Variants in SNTG1 observed in about 807,000 individuals in gnomAD.
SNTG1 encodes gamma-1-syntrophin.
SNTG1 carries 39 observed loss-of-function variants against 74.7 expected under a neutral mutation model. The ratio of observed to expected loss-of-function variants is 0.52; its 90% CI spans 0.40 to 0.68. The LOEUF is 0.68. Ranked by LOEUF, SNTG1 falls within the 30% of genes least tolerant of loss-of-function variation. SNTG1 has a pLI of 0.00. For synonymous variants in SNTG1, 254 were observed against 217.1 expected, an observed-to-expected ratio of 1.17 and a Z score of -1.49; for missense variants, 685 against 609.5, an observed-to-expected ratio of 1.12 and a Z score of -1.30.
At chr8:50,100,893 A>G (rs974327494) in intron 1 of SNTG1, among the ~76,000 whole-genome samples, 1 of 152,102 alleles carries the variant, frequency 6.6e-6, no homozygotes, top group African/African-American at 2.4e-5. Context: ...AGTGAGACGC[A>G]TAGTACCCAA....
intron 1 of SNTG1, among the ~76,000 whole-genome samples, chr8:50,163,297 C>T (rs1468895752): frequency 6.6e-6 from 1 of 152,134 alleles, no homozygotes; most frequent in Non-Finnish European, 1.5e-5. Flanking sequence ...TCTTCTCAAC[C>T]ATAACCTATA....
At chr8:50,660,647 C>T (rs916266305) in intron 15 of SNTG1, among the ~76,000 whole-genome samples, 1 of 152,112 alleles carries the variant, frequency 6.6e-6, no homozygotes, top group African/African-American at 2.4e-5. Flanking sequence ...CTTACTTAGA[C>T]TTAAATTATT....
At chr8:50,565,645 A>G (rs1441160724) in intron 12 of SNTG1, among the ~76,000 whole-genome samples, 1 of 151,998 alleles carries the variant, frequency 6.6e-6, no homozygotes, top group Non-Finnish European at 1.5e-5. Context: ...GTTGTTAGGG[A>G]GCAGGACTGT....
chr8:50,148,723 C>A (rs1431373953), intron 1 of SNTG1, among the ~76,000 whole-genome samples: 1 of 152,202 alleles, frequency 6.6e-6, no homozygotes, highest in African/African-American at 2.4e-5. Context: ...ATACAAAGGA[C>A]ATGAACTCAT....
chr8:50,589,750 T>C (rs2094680011), intron 12 of SNTG1, among the ~76,000 whole-genome samples: 1 of 152,194 alleles, frequency 6.6e-6, no homozygotes. Context: ...GATTTTTTAA[T>C]TGATTAATAA....
At chr8:49,917,986 G>A (rs1005999843) in intron 1 of SNTG1, among the ~76,000 whole-genome samples, 18 of 152,054 alleles carry the variant, frequency 1.2e-4, no homozygotes, top group Non-Finnish European at 2.5e-4. Context: ...TTTGCATGTA[G>A]CGAAACAGAC....
intron 15 of SNTG1, among the ~76,000 whole-genome samples, chr8:50,686,359 G>C (rs1434987481): frequency 6.6e-6 from 1 of 152,142 alleles, no homozygotes; most frequent in East Asian, 1.9e-4. Flanking sequence ...CAATGTGTTT[G>C]AGACCTATTT....
intron 1 of SNTG1, among the ~76,000 whole-genome samples, chr8:50,129,317 G>A (rs1291380480): frequency 6.6e-6 from 1 of 152,096 alleles, no homozygotes; most frequent in Non-Finnish European, 1.5e-5. Flanking sequence ...TTTGTTTCAA[G>A]GCTTCATAGC....
At chr8:49,960,780 T>A (rs572749929) in intron 1 of SNTG1, among the ~76,000 whole-genome samples, 2 of 152,288 alleles carry the variant, frequency 1.3e-5, no homozygotes, top group East Asian at 3.9e-4. Context: ...TGTGACTCTC[T>A]GAGTCTGTAT....
chr8:49,958,587 A>G (rs924749968), intron 1 of SNTG1, among the ~76,000 whole-genome samples: 1 of 151,930 alleles, frequency 6.6e-6, no homozygotes, highest in African/African-American at 2.4e-5. Flanking sequence ...CGCCTGGCTA[A>G]TTTTGGTAAT....
At chr8:50,202,778 G>T (rs993485721) in intron 2 of SNTG1, among the ~76,000 whole-genome samples, 3 of 148,774 alleles carry the variant, frequency 2.0e-5, no homozygotes, top group African/African-American at 7.6e-5. Flanking sequence ...CTTCTTTCAA[G>T]ACTTTCTCTT....
intron 13 of SNTG1, among the ~76,000 whole-genome samples, chr8:50,646,024 G>T (rs1455591384): frequency 6.6e-6 from 1 of 152,082 alleles, no homozygotes; most frequent in Non-Finnish European, 1.5e-5. Context: ...GTTAAAAAAA[G>T]AATATTTCCT....
At chr8:50,015,053 C>G (rs924341684) in intron 1 of SNTG1, among the ~76,000 whole-genome samples, 2 of 150,380 alleles carry the variant, frequency 1.3e-5, no homozygotes, top group African/African-American at 2.4e-5. Context: ...TACAGAAGCC[C>G]AGATTTTGAA....
intron 9 of SNTG1, among the ~76,000 whole-genome samples, chr8:50,511,317 A>C (rs1408234898): frequency 1.3e-5 from 2 of 152,144 alleles, no homozygotes. Context: ...ACATTTGCTG[A>C]GGAGTGCTTT....
intron 5 of SNTG1, among the ~76,000 whole-genome samples, chr8:50,448,972 G>A (rs1200173161): frequency 6.6e-6 from 1 of 152,106 alleles, no homozygotes; most frequent in Admixed American, 6.5e-5. Flanking sequence ...AGGTTGCAGT[G>A]AGCCAAGATC....
At chr8:50,527,276 C>T (rs1039841369) in intron 9 of SNTG1, among the ~76,000 whole-genome samples, 11 of 152,000 alleles carry the variant, frequency 7.2e-5, no homozygotes, top group African/African-American at 2.7e-4. Flanking sequence ...CGAAGATTTT[C>T]TCTTAGTCTT....
rs377237444 is a variant in SNTG1, at chr8:50,704,728, C to T, written c.1167C>T (p.Thr389=). The T allele has an allele frequency of 3.7e-6, 6 of 1,613,986 alleles. No homozygotes were observed. In the African/African-American group the frequency reaches 4.0e-5, roughly 11 times the overall value. ...AQWERAFQTA[T]FLEVERIQCK... ...GGGAAAGAGCCTTCCAGACAGCAACCTTTCTAGAAGTAGAACGGATACAGG... is the reference window on the plus strand; with the variant it reads ...GGGAAAGAGCCTTCCAGACAGCAACTTTTCTAGAAGTAGAACGGATACAGG... Residue 389 remains threonine (T), a synonymous_variant, in exon 16 of 19, where the codon ACC becomes ACT. Transcript: ENST00000642720.
intron 2 of SNTG1, among the ~76,000 whole-genome samples, chr8:50,266,889 T>C (rs183850596): frequency 6.6e-6 from 1 of 151,864 alleles, no homozygotes; most frequent in Non-Finnish European, 1.5e-5. Context: ...CTGAAGCCAC[T>C]CCCCTTGGGT....
chr8:50,590,736 T>C, intron 12 of SNTG1, 143 bp from the exon 13 acceptor site: 1 of 495,946 alleles, frequency 2.0e-6, no homozygotes, highest in Non-Finnish European at 3.6e-6. Flanking sequence ...TTATATATGT[T>C]GTTTTATATG....
Sources: allele counts gnomAD v4.1 joint callset (sites outside exome capture counted in the v4.1 genomes callset), GRCh38; gene constraint gnomAD v4.1.1; transcripts MANE v1.5; gene names NCBI Gene and HGNC (gene_info 2026-07-23, HGNC 2026-07-21).